AGBL1: variants seen among roughly 807,000 people sequenced by gnomAD.
The protein encoded by AGBL1 is AGBL carboxypeptidase 1, also known as cytosolic carboxypeptidase 4.
Under a neutral mutation model 118.9 loss-of-function variants are expected in AGBL1, and 130 were observed. The ratio of observed to expected loss-of-function variants is 1.09; its 90% CI spans 0.95 to 1.26. The LOEUF (loss-of-function observed/expected upper bound fraction) is 1.26, where lower values mean the gene tolerates loss of function less well. Ranked by LOEUF, AGBL1 falls within the 50% of genes most tolerant of loss-of-function variation. AGBL1 has a pLI of 0.00. For missense variants in AGBL1, 1,584 were observed against 1,298.1 expected, an observed-to-expected ratio of 1.22 and a Z score of -3.38; for synonymous variants, 555 against 478.9, an observed-to-expected ratio of 1.16 and a Z score of -2.08.
At chr15:86,881,242 G>A (rs1228395033) in intron 22 of AGBL1, among the ~76,000 whole-genome samples, 1 of 152,166 alleles carries the variant, frequency 6.6e-6, no homozygotes, top group Non-Finnish European at 1.5e-5. Flanking sequence ...ATAGAATAAA[G>A]TCTATAGAAA....
rs1173913888 is a variant in AGBL1 at position 86,639,611 on chromosome 15, C to T, written c.2995-34662C>T. Among the ~76,000 whole-genome samples, 12 of 152,310 alleles carry T rather than the reference C, an allele frequency of 7.9e-5. No homozygotes were observed. The East Asian group carries it at 2.3e-3, about 29-fold the overall frequency. ...ACTTGGGTTGCTCCGAAATTGCTCT[C>T]TTCCTACCTCCCCCATACAGCTTCC... On this transcript the variant is annotated intron_variant, in intron 21 of 22. Coordinates refer to ENST00000614907, the MANE Select transcript of AGBL1 (RefSeq NM_001386094.1).
intron 22 of AGBL1, among the ~76,000 whole-genome samples, chr15:86,748,734 T>C (rs1180883440): frequency 8.6e-5 from 13 of 151,690 alleles, no homozygotes; most frequent in African/African-American, 1.9e-4. Context: ...ATATGGCTAG[T>C]CAGTTTTCCC....
chr15:86,809,327 T>TCTTA lies in AGBL1; in HGVS notation c.3159-97756_3159-97753dup, dbSNP rs112298285. Among the ~76,000 whole-genome samples the TCTTA allele has an allele frequency of 3.4e-3, 516 of 152,282 alleles. 4 individuals carry two copies. The highest frequency in any genetic ancestry group is 0.012 in the African/African-American group (488 of 41,578). ...CCAGACAAATATGAGGTTAGGAAAG[T>TCTTA]CTTACTTTGATGACTCCTTCTACCC... On this transcript the variant is annotated intron_variant, in intron 22 of 22. Coordinates refer to ENST00000614907, the MANE Select transcript of AGBL1 (RefSeq NM_001386094.1).
chr15:86,710,511 A>G (rs1216503737), intron 22 of AGBL1, among the ~76,000 whole-genome samples: 1 of 152,170 alleles, frequency 6.6e-6, no homozygotes, highest in Non-Finnish European at 1.5e-5. Context: ...GTGCAATTTA[A>G]TTGGTGTGAG....
intron 21 of AGBL1, among the ~76,000 whole-genome samples, chr15:86,572,215 A>G (rs1252818946): frequency 6.6e-6 from 1 of 151,326 alleles, no homozygotes; most frequent in Non-Finnish European, 1.5e-5. Flanking sequence ...TGGGCCCCCA[A>G]GAACAGAGAT....
chr15:86,766,379 C>T (rs2078097331), intron 22 of AGBL1, among the ~76,000 whole-genome samples: 1 of 151,820 alleles, frequency 6.6e-6, no homozygotes, highest in South Asian at 2.1e-4. Context: ...GACACTGGTC[C>T]CTTTATAAAA....
Position 86,699,130 on chromosome 15 carries a change from A to G in AGBL1, c.3158+24694A>G, listed in dbSNP as rs2086312939. On this transcript the variant is annotated intron_variant, in intron 22 of 22. Transcript: ENST00000614907. ...TTTAGTGTTTTAATGTTAACCTTTT[A>G]TCTTTAAATAATTTCAACCTCACAA... is the stretch of plus-strand genomic sequence containing the variant. Among the ~76,000 whole-genome samples the G allele has an allele frequency of 2.6e-5, 4 of 152,036 alleles. No homozygotes were observed. The South Asian group carries it at 8.3e-4, about 31-fold the overall frequency.
At chr15:86,520,285 C>T (rs912289714) in intron 18 of AGBL1, among the ~76,000 whole-genome samples, 1 of 152,142 alleles carries the variant, frequency 6.6e-6, no homozygotes, top group African/African-American at 2.4e-5. Context: ...TATGATATTT[C>T]TCTATAGGGA....
At position 86,745,389 on chromosome 15, in the gene AGBL1, G is replaced by A. The variant is rs146013202; in HGVS notation, c.3158+70953G>A. Among the ~76,000 whole-genome samples the A allele has an allele frequency of 4.7e-3, 721 of 152,080 alleles. 7 individuals are homozygous for A. Among genetic ancestry groups the A allele is most frequent in the African/African-American group, 0.016 (675 of 41,502 alleles). On this transcript the variant is annotated intron_variant, in intron 22 of 22. Coordinates refer to ENST00000614907, the MANE Select transcript of AGBL1 (RefSeq NM_001386094.1). ...AATATTAAGTGAAACATTATATTGA[G>A]GGCCGTCTGACCCCCAAAGTCCGTT...
At position 86,247,889 on chromosome 15, in the gene AGBL1, A is replaced by G; in HGVS notation, c.735+10A>G. 6.2e-7 allele frequency: 1 copy of G among 1,613,632 alleles called. No individual in the cohort carries two copies. Among genetic ancestry groups the G allele is most frequent in the Non-Finnish European group, 8.5e-7 (1 of 1,179,814 alleles). ...CTTCAGCACCACACAGGCAGGCAGC[A>G]TGGGGATTCACTCTGCAGCTGGAGG... On this transcript the variant is annotated intron_variant, in intron 7 of 22. Transcript: ENST00000614907.
chr15:86,584,473 T>C (rs1190292165), intron 21 of AGBL1, among the ~76,000 whole-genome samples: 1 of 152,188 alleles, frequency 6.6e-6, no homozygotes, highest in Admixed American at 6.5e-5. Context: ...TTTTGTTGAC[T>C]TTGTTGAAGA....
intron 18 of AGBL1, among the ~76,000 whole-genome samples, chr15:86,420,350 C>T (rs1457238486): frequency 6.6e-6 from 1 of 152,132 alleles, no homozygotes; most frequent in Non-Finnish European, 1.5e-5. Context: ...CTCCAGCAAA[C>T]TCAAGCAGAC....
intron 18 of AGBL1, among the ~76,000 whole-genome samples, chr15:86,442,451 G>A (rs994276905): frequency 1.3e-5 from 2 of 152,134 alleles, no homozygotes; most frequent in African/African-American, 2.4e-5. Context: ...CCTCACAAAG[G>A]TTTTCAAAAT....
chr15:86,167,238 T>C (rs2077353934), intron 5 of AGBL1, among the ~76,000 whole-genome samples: 1 of 149,500 alleles, frequency 6.7e-6, no homozygotes, highest in African/African-American at 2.5e-5. Context: ...TGATATTTCT[T>C]TTTTACTTTT....
chr15:86,800,000 A>G, intron 22 of AGBL1, among the ~76,000 whole-genome samples: 1 of 152,218 alleles, frequency 6.6e-6, no homozygotes, highest in African/African-American at 2.4e-5. Flanking sequence ...TCAAAATAGC[A>G]AGTCCCTTTT....
intron 5 of AGBL1, among the ~76,000 whole-genome samples, chr15:86,203,751 G>T (rs909085620): frequency 6.6e-6 from 1 of 152,118 alleles, no homozygotes; most frequent in African/African-American, 2.4e-5. Context: ...TTGTTACGGA[G>T]TTACTCATCT....
intron 22 of AGBL1, among the ~76,000 whole-genome samples, chr15:86,674,826 C>T (rs2085809409): frequency 6.6e-6 from 1 of 152,016 alleles, no homozygotes; most frequent in Non-Finnish European, 1.5e-5. Context: ...TATCTAGGCA[C>T]CTGGAGACAA....
intron 1 of AGBL1, among the ~76,000 whole-genome samples, chr15:86,129,675 G>A (rs992551908): frequency 2.0e-5 from 3 of 152,124 alleles, no homozygotes; most frequent in African/African-American, 7.2e-5. Flanking sequence ...AGCGGGTAGA[G>A]ACCAGGAATA....
chr15:86,842,530 G>A (rs1436556333), intron 22 of AGBL1, among the ~76,000 whole-genome samples: 1 of 152,148 alleles, frequency 6.6e-6, no homozygotes, highest in Non-Finnish European at 1.5e-5. Context: ...AGGAAAAATG[G>A]TATGGGAACA....
Sources: allele counts gnomAD v4.1 joint callset (sites outside exome capture counted in the v4.1 genomes callset), GRCh38; gene constraint gnomAD v4.1.1; transcripts MANE v1.5; gene names NCBI Gene and HGNC (gene_info 2026-07-23, HGNC 2026-07-21).